Variants in RABEP2 observed in about 807,000 individuals in gnomAD.
RABEP2 encodes rab GTPase-binding effector protein 2.
In RABEP2, 57 loss-of-function variants were observed where a neutral mutation model predicts 74.1. The observed-to-expected ratio is 0.77, with a 90% CI of 0.62 to 0.96. The LOEUF is 0.96. Ranked by LOEUF, RABEP2 falls within the 40% of genes least tolerant of loss-of-function variation. RABEP2 has a pLI of 0.00. For missense variants in RABEP2, 692 were observed against 756.3 expected, an observed-to-expected ratio of 0.91 and a Z score of 1.00; for synonymous variants, 351 against 344.0, an observed-to-expected ratio of 1.02 and a Z score of -0.23.
rs374329293 is a variant in RABEP2 at position 28,911,176 on chromosome 16, G to C, written c.898C>G (p.Arg300Gly). ...TQWEQLQTEG[R>G]QLQKDLESVS... ...CTCTCCAGGTCCTTCTGCAGCTGTC[G>C]GCCCTGCCACAGACCCTGCCTTCAG... The change falls in exon 6 of 13, where the codon CGA (arginine) becomes GGA (glycine). Residue 300 changes from arginine (R) to glycine (G), a missense_variant. Coordinates refer to ENST00000358201, the MANE Select transcript of RABEP2 (RefSeq NM_024816.3). The C allele has an allele frequency of 6.2e-7, 1 of 1,608,642 alleles. No individual in the cohort carries two copies. Among genetic ancestry groups the C allele is most frequent in the Non-Finnish European group, 8.5e-7 (1 of 1,179,864 alleles).
At chr16:28,912,885 T>TC (rs1964333520) in intron 5 of RABEP2, among the ~76,000 whole-genome samples, 2 of 152,262 alleles carry the variant, frequency 1.3e-5, no homozygotes, top group South Asian at 4.1e-4. Context: ...GGCCTTCCTG[T>TC]TCCTCAGACA....
chr16:28,905,404 G>A lies in RABEP2; in HGVS notation c.1601C>T (p.Ala534Val). ...GGCTGGGACAGGCCATACCTGCAGG[G>A]CCTGGGACAGTCGCACGAAATCCCT... ...VQRDFVRLSQ[A>V]LQVRLERIRQ... Residue 534 changes from alanine to valine, a missense_variant, in exon 12 of 13, where the codon GCC (alanine) becomes GTC (valine). Transcript: ENST00000358201. 6.2e-7 allele frequency: 1 copy of A among 1,605,390 alleles called. No homozygotes were observed. The highest frequency in any genetic ancestry group is 8.5e-7 in the Non-Finnish European group (1 of 1,176,836).
chr16:28,914,238 C>T lies in RABEP2; in HGVS notation c.892G>A (p.Glu298Lys), dbSNP rs781402581. 1.3e-6 allele frequency: 2 copies of T among 1,593,706 alleles called. No individual in the cohort carries two copies. The highest frequency in any genetic ancestry group is 2.3e-5 in the South Asian group (2 of 88,370). Residue 298 changes from glutamate to lysine, a missense_variant and splice_region_variant, in exon 5 of 13, where the codon GAG becomes AAG. Coordinates refer to ENST00000358201, the MANE Select transcript of RABEP2 (RefSeq NM_024816.3). ...GCCACCCTGCCCACAACACTCACCT[C>T]TGTCTGCAGCTGCTCCCACTGAGTG... is the stretch of plus-strand genomic sequence containing the variant. Reference protein sequence around the residue: ...PDTQWEQLQTEGRQLQKDLES... With the variant: ...PDTQWEQLQTKGRQLQKDLES...
chr16:28,912,232 G>A (rs1371002964), intron 5 of RABEP2, among the ~76,000 whole-genome samples: 1 of 150,174 alleles, frequency 6.7e-6, no homozygotes, highest in Non-Finnish European at 1.5e-5. Context: ...GGGTGACACA[G>A]CGAGACTCCA....
intron 7 of RABEP2, 125 bp from the exon 8 acceptor site, chr16:28,908,889 T>C (rs752249037): frequency 2.1e-5 from 22 of 1,053,608 alleles, no homozygotes; most frequent in Admixed American, 1.1e-4. Context: ...TCTCTGTTCC[T>C]AAGCAAGGAA....
rs528258382 is a variant in RABEP2, at chr16:28,914,548, C to T, written c.582G>A (p.Thr194=). ...GATCCCGGGACAGGGGCAGCAACTC[C>T]GTGGAGCCGTGCAGGGAAGGGGCAT... ...PRHAPSLHGS[T]ELLPLSRDPS... The change falls in exon 5 of 13, where the codon ACG becomes ACA. Residue 194 remains threonine, a synonymous_variant. Transcript: ENST00000358201. 8 of 1,611,296 alleles carry T rather than the reference C, an allele frequency of 5.0e-6. No homozygotes were observed. Among genetic ancestry groups the T allele is most frequent in the East Asian group, 2.2e-5 (1 of 44,836 alleles).
intron 5 of RABEP2, among the ~76,000 whole-genome samples, chr16:28,913,025 C>T (rs1041967275): frequency 1.3e-5 from 2 of 151,936 alleles, no homozygotes; most frequent in Non-Finnish European, 1.5e-5. Flanking sequence ...TGCAATGGCG[C>T]GATCTCGGCT....
chr16:28,908,580 C>T (rs1567495588), intron 8 of RABEP2, 29 bp downstream of exon 8: 1 of 1,577,974 alleles, frequency 6.3e-7, no homozygotes, highest in Non-Finnish European at 8.6e-7. Flanking sequence ...ACGGTGGCTC[C>T]AGGCTCTCAG....
rs2152218134 is a variant in RABEP2 at position 28,906,752 on chromosome 16, A to G, written c.1246-556T>C. Among the ~76,000 whole-genome samples the G allele has an allele frequency of 2.0e-5, 3 of 152,040 alleles. No individual in the cohort carries two copies. The South Asian group carries it at 6.2e-4, about 32-fold the overall frequency. On this transcript the variant is annotated intron_variant, in intron 8 of 12. Transcript: ENST00000358201. ...TGCACTCTAGCCTGGGCGACAGAAC[A>G]AGACTCCATCTCAAACAGAAACAAA...
chr16:28,905,745 G>C lies in RABEP2; in HGVS notation c.1450C>G (p.Leu484Val), dbSNP rs770201443. ...TEVLEASLCS[L>V]RTEMERVQQE... ...TGCACCCGCTCCATCTCTGTCCTCA[G>C]GCTGCACAGGGAGGCTGGGAAGTCA... The change falls in exon 11 of 13, where the codon CTG becomes GTG. Residue 484 changes from leucine (L) to valine (V), a missense_variant. Transcript: ENST00000358201. The C allele has an allele frequency of 1.9e-6, 3 of 1,613,928 alleles. No homozygotes were observed. The highest frequency in any genetic ancestry group is 2.2e-5 in the South Asian group (2 of 91,092).
In RABEP2 at chr16:28,924,603, G is replaced by A. The variant is rs1964509221; in HGVS notation, c.74C>T (p.Ser25Phe). ...RRRPGAALEDSRSQEGANGEA... is the reference protein window; with the variant it reads ...RRRPGAALEDFRSQEGANGEA... ...ACCATTTGCCCCTTCCTGGGACCGGGAGTCCTCCAGTGCTGTGGGGGACAG... is the reference window on the plus strand; with the variant it reads ...ACCATTTGCCCCTTCCTGGGACCGGAAGTCCTCCAGTGCTGTGGGGGACAG... The change falls in exon 2 of 13, where the codon TCC (serine) becomes TTC (phenylalanine). Residue 25 changes from serine to phenylalanine, a missense_variant. Coordinates refer to ENST00000358201, the MANE Select transcript of RABEP2 (RefSeq NM_024816.3). 1.2e-6 allele frequency: 2 copies of A among 1,610,490 alleles called. No homozygotes were observed. Among genetic ancestry groups the A allele is most frequent in the East Asian group, 2.2e-5 (1 of 44,878 alleles).
In RABEP2 at chr16:28,914,380, G is replaced by A. The variant is rs752053197; in HGVS notation, c.750C>T (p.Pro250=). 16 of 1,613,376 alleles carry A rather than the reference G, an allele frequency of 9.9e-6. No individual in the cohort carries two copies. Among genetic ancestry groups the A allele is most frequent in the Non-Finnish European group, 1.4e-5 (16 of 1,180,006 alleles). ...GGGVGSSSSL[P]QSRQGLSPEQ... is the part of the protein sequence containing the mutation. ...CAGGGCTCAGGCCCTGGCGGCTTTG[G>A]GGCAGGGAGGAGCTGCTGCCGACCC... Residue 250 remains proline (P), a synonymous_variant, in exon 5 of 13, where the codon CCC becomes CCT. Coordinates refer to ENST00000358201, the MANE Select transcript of RABEP2 (RefSeq NM_024816.3).
intron 5 of RABEP2, among the ~76,000 whole-genome samples, chr16:28,912,320 C>G (rs1347826880): frequency 6.6e-6 from 1 of 151,954 alleles, no homozygotes; most frequent in Non-Finnish European, 1.5e-5. Flanking sequence ...TCCAAGGTAC[C>G]ACCTTCCTGT....
In RABEP2 at chr16:28,906,135, TC is replaced by T. The variant is rs1964227129; in HGVS notation, c.1306del (p.Glu436SerfsTer12). ...GATCCGCAGGCGCTCGGCCCCGTGCTCCTGGGCCTGCAGCCGGGCCCTCGCC... is the reference window on the plus strand; with the variant it reads ...GATCCGCAGGCGCTCGGCCCCGTGCTCTGGGCCTGCAGCCGGGCCCTCGCC... ...QEARARLQAQ[E>X]HGAERLRIEI... On this transcript the variant is annotated frameshift_variant, in exon 9 of 13. Coordinates refer to ENST00000358201, the MANE Select transcript of RABEP2 (RefSeq NM_024816.3). LOFTEE classifies it high-confidence loss of function. 6.3e-7 allele frequency: 1 copy of T among 1,582,134 alleles called. No individual in the cohort carries two copies. The highest frequency in any genetic ancestry group is 1.3e-5 in the African/African-American group (1 of 74,414).
In RABEP2 at chr16:28,905,058, C is replaced by T. The variant is rs768678490; in HGVS notation, c.1609-14G>A. ...CTCTAGGCGCACCTGCCGGATCGGA[C>T]GAGGGGAGCAGAGTGCACTTGTGGG... On this transcript the variant is annotated splice_polypyrimidine_tract_variant and intron_variant, in intron 12 of 12. Transcript: ENST00000358201. 37 of 1,592,042 alleles carry T rather than the reference C, an allele frequency of 2.3e-5. No individual in the cohort carries two copies. Among genetic ancestry groups the T allele is most frequent in the Middle Eastern group, 3.5e-4 (2 of 5,756 alleles).
In RABEP2 at chr16:28,905,470, A is replaced by G. The variant is rs1964212083; in HGVS notation, c.1535T>C (p.Leu512Pro). The change falls in exon 12 of 13, where the codon CTG (leucine) becomes CCG (proline). Residue 512 changes from leucine (L) to proline (P), a missense_variant. Physicochemically the swap from Leu to Pro is moderately conservative, Grantham distance 98. Transcript: ENST00000358201. ...DLLSEQRAKV[L>P]RLQAELETSE... Reference sequence around the variant, plus strand: ...GGTCTCCAGCTCTGCCTGCAGCCGCAGCACCTTGGCCCTCTGTTCTGAGAG... The same window carrying G: ...GGTCTCCAGCTCTGCCTGCAGCCGCGGCACCTTGGCCCTCTGTTCTGAGAG... The G allele has an allele frequency of 1.2e-6, 2 of 1,609,810 alleles. No individual in the cohort carries two copies. Among genetic ancestry groups the G allele is most frequent in the African/African-American group, 1.3e-5 (1 of 74,894 alleles).
At chr16:28,906,744 G>A (rs185253373) in intron 8 of RABEP2, among the ~76,000 whole-genome samples, 24 of 152,068 alleles carry the variant, frequency 1.6e-4, no homozygotes, top group East Asian at 3.9e-4. Flanking sequence ...TAGCCTGGGC[G>A]ACAGAACAAG....
In RABEP2 at chr16:28,925,094, C is replaced by T; in HGVS notation, c.61+9G>A. On this transcript the variant is annotated intron_variant, in intron 1 of 12. Transcript: ENST00000358201. ...CGTTCCCCGCTTGCACGGACGCCCC[C>T]TCACGTACCAGCCCCCGGCCGCCGC... 1.3e-6 allele frequency: 2 copies of T among 1,548,046 alleles called. No homozygotes were observed. The highest frequency in any genetic ancestry group is 2.7e-5 in the African/African-American group (2 of 73,008).
In RABEP2 at chr16:28,911,156, C is replaced by T; in HGVS notation, c.918G>A (p.Leu306=). 1 of 1,611,772 alleles carries T rather than the reference C, an allele frequency of 6.2e-7. No individual in the cohort carries two copies. The highest frequency in any genetic ancestry group is 8.5e-7 in the Non-Finnish European group (1 of 1,180,010). ...CGTCCCGCTCGCGACTGACGCTCTCCAGGTCCTTCTGCAGCTGTCGGCCCT... is the reference window on the plus strand; with the variant it reads ...CGTCCCGCTCGCGACTGACGCTCTCTAGGTCCTTCTGCAGCTGTCGGCCCT... ...QTEGRQLQKD[L]ESVSRERDEL... The change falls in exon 6 of 13, where the codon CTG becomes CTA. Residue 306 remains leucine, a synonymous_variant. Coordinates refer to ENST00000358201, the MANE Select transcript of RABEP2 (RefSeq NM_024816.3).
Sources: gnomAD v4.1 joint callset for allele counts (sites outside exome capture counted in the v4.1 genomes callset) on GRCh38, gnomAD v4.1.1 for gene constraint, MANE v1.5 for transcripts, NCBI Gene and HGNC (gene_info 2026-07-23, HGNC 2026-07-21) for gene names.